The following MUC5B variants were observed in gnomAD, a reference collection of about 807,000 sequenced individuals.
MUC5B encodes mucin 5B, oligomeric mucus/gel-forming, also known as mucin-5B.
In MUC5B, 116 loss-of-function variants were observed where a neutral mutation model predicts 376.9. The ratio of observed to expected loss-of-function variants is 0.31; its 90% CI spans 0.26 to 0.36. MUC5B has a LOEUF of 0.36. Ranked by LOEUF, MUC5B falls within the 10% of genes least tolerant of loss-of-function variation. The pLI is 1.00. For missense variants in MUC5B, 7,165 were observed against 7,769.9 expected, an observed-to-expected ratio of 0.92 and a Z score of 2.93; for synonymous variants, 3,517 against 3,390.9, an observed-to-expected ratio of 1.04 and a Z score of -1.29.
rs754569934 is a variant in MUC5B, at chr11:1,245,406, G to A, written c.8526G>A (p.Thr2842=). Residue 2842 remains threonine, a synonymous_variant, in exon 31 of 49, where the codon ACG becomes ACA. Coordinates refer to ENST00000529681, the MANE Select transcript of MUC5B (RefSeq NM_002458.3). ...HTRATSRTTA[T]ATPSKTRTST... ...GGGCCACCTCCAGGACCACGGCCAC[G>A]GCCACACCCAGCAAGACCCGCACCT... The A allele has an allele frequency of 1.0e-4, 162 of 1,559,774 alleles. 15 individuals carry two copies. The highest frequency in any genetic ancestry group is 9.2e-4 in the Middle Eastern group (4 of 4,356).
chr11:1,242,605 A>G lies in MUC5B; in HGVS notation c.5725A>G (p.Lys1909Glu), dbSNP rs1420843495. The G allele has an allele frequency of 6.2e-6, 10 of 1,612,886 alleles. No individual in the cohort carries two copies. Among genetic ancestry groups the G allele is most frequent in the Non-Finnish European group, 8.5e-6 (10 of 1,179,602 alleles). ...TCCGGGGACGACCTGGATCCTCACA[A>G]AGCCGACCACAACAGCCACTACGAC... is the stretch of plus-strand genomic sequence containing the variant. The part of the protein sequence containing the change: ...STPGTTWILT[K>E]PTTTATTTAS... Residue 1909 changes from lysine to glutamate, a missense_variant, in exon 31 of 49, where the codon AAG becomes GAG. By Grantham distance (56) the Lys-to-Glu change is moderately conservative. This residue lies in a region of MUC5B where 897 missense variants were observed against 779.6 expected (regional missense o/e 1.15). Transcript: ENST00000529681.
rs756918327 is a variant in MUC5B, at chr11:1,248,930, C to A, written c.12050C>A (p.Ser4017Tyr). 126 of 1,590,788 alleles carry A rather than the reference C, an allele frequency of 7.9e-5. No individual in the cohort carries two copies. Among genetic ancestry groups the A allele is most frequent in the Non-Finnish European group, 1.1e-4 (124 of 1,167,986 alleles). Residue 4017 changes from serine (S) to tyrosine (Y), a missense_variant, in exon 31 of 49, where the codon TCC (serine) becomes TAC (tyrosine). Ser to Tyr is a moderately radical substitution (Grantham distance 144). Coordinates refer to ENST00000529681, the MANE Select transcript of MUC5B (RefSeq NM_002458.3). ...TTATTHGRSL[S>Y]PSSPHTVRTA... ...GCCACCACACACGGGCGATCCCTGT[C>A]CCCCAGCAGTCCCCACACGGTGCGC...
In MUC5B at chr11:1,248,510, C is replaced by A. The variant is rs779931982; in HGVS notation, c.11630C>A (p.Pro3877His). ...TTTTTGFTVT[P>H]SSSPGTARTP... ...ACAACCACGGGCTTCACAGTCACCC[C>A]CTCCTCCAGCCCAGGGACGGCACGC... Residue 3877 changes from proline (P) to histidine (H), a missense_variant, in exon 31 of 49, where the codon CCC becomes CAC. Coordinates refer to ENST00000529681, the MANE Select transcript of MUC5B (RefSeq NM_002458.3). The A allele has an allele frequency of 4.3e-6, 7 of 1,612,784 alleles. No individual in the cohort carries two copies. Among genetic ancestry groups the A allele is most frequent in the Non-Finnish European group, 5.9e-6 (7 of 1,179,308 alleles).
intron 39 of MUC5B, 130 bp downstream of exon 39, chr11:1,256,901 C>A: frequency 1.4e-6 from 1 of 715,788 alleles, no homozygotes; most frequent in Non-Finnish European, 2.3e-6. Context: ...CTGTTCTGCC[C>A]CACCAGAGCA....
Position 1,250,880 on chromosome 11 carries a change from C to A in MUC5B, c.14000C>A (p.Pro4667His). 4 of 1,591,974 alleles carry A rather than the reference C, an allele frequency of 2.5e-6. No individual in the cohort carries two copies. The highest frequency in any genetic ancestry group is 3.4e-6 in the Non-Finnish European group (4 of 1,169,254). The change falls in exon 31 of 49, where the codon CCC becomes CAC. Residue 4667 changes from proline (P) to histidine (H), a missense_variant. Physicochemically the swap from Pro to His is moderately conservative, Grantham distance 77 (BLOSUM62 -2). Around this residue, in one of 31 missense-constraint regions of MUC5B, gnomAD observed 730 missense variants for 592.7 expected, o/e 1.23. Transcript: ENST00000529681. The part of the protein sequence containing the change: ...TTVATGSMAT[P>H]SSSTQTSGTP... ...GTGGCCACTGGTTCTATGGCAACAC[C>A]CTCCTCTAGCACACAGACCAGTGGT...
chr11:1,254,799 G>T lies in MUC5B; in HGVS notation c.15583G>T (p.Val5195Leu), dbSNP rs569128267. ...TMRVDIPALG[V>L]SVTFNGQVFQ... The stretch of plus-strand genomic sequence containing the variant: ...GCGTGTGGACATTCCTGCCCTGGGC[G>T]TGAGCGTCACCTTCAATGGCCAAGT... Residue 5195 changes from valine (V) to leucine (L), a missense_variant, in exon 35 of 49, where the codon GTG (valine) becomes TTG (leucine). Val to Leu is a conservative substitution (Grantham distance 32). Transcript: ENST00000529681. 2.5e-6 allele frequency: 4 copies of T among 1,612,756 alleles called. No individual in the cohort carries two copies. In the South Asian group the frequency reaches 3.3e-5, roughly 13 times the overall value.
At chr11:1,232,824 G>A (rs1862060651) in intron 17 of MUC5B, 54 bp downstream of exon 17, 2 of 1,522,106 alleles carry the variant, frequency 1.3e-6, no homozygotes, top group Non-Finnish European at 1.8e-6. Flanking sequence ...GGGTGCGGGG[G>A]ACCCTGGCCG....
Position 1,235,094 on chromosome 11 carries a change from G to A in MUC5B, c.2640G>A (p.Arg880=). 1 of 1,610,710 alleles carries A rather than the reference G, an allele frequency of 6.2e-7. No individual in the cohort carries two copies. Among genetic ancestry groups the A allele is most frequent in the South Asian group, 1.1e-5 (1 of 90,908 alleles). ...TTGTGGCCCCTTGCAGCACCTGCAG[G>A]AACCGGAGGTGGGAGTGCAGCCACC... ...IRVDCNTCTC[R]NRRWECSHRL... Residue 880 remains arginine, a synonymous_variant, in exon 22 of 49, where the codon AGG becomes AGA. Coordinates refer to ENST00000529681, the MANE Select transcript of MUC5B (RefSeq NM_002458.3).
rs370160981 is a variant in MUC5B at position 1,241,533 on chromosome 11, C to T, written c.4653C>T (p.Ala1551=). The T allele has an allele frequency of 3.2e-5, 51 of 1,612,798 alleles. No individual in the cohort carries two copies. Among genetic ancestry groups the T allele is most frequent in the South Asian group, 7.7e-5 (7 of 90,956 alleles). Residue 1551 remains alanine (A), a synonymous_variant, in exon 31 of 49, where the codon GCC becomes GCT. Coordinates refer to ENST00000529681, the MANE Select transcript of MUC5B (RefSeq NM_002458.3). ...AGCCTAAGGACATAGAGTGCCAGGC[C>T]GAGAGCTTCCCCAACTGGACCCTGG... The part of the protein sequence containing the change: ...CQQPKDIECQ[A]ESFPNWTLAQ...
chr11:1,236,986 G>A lies in MUC5B; in HGVS notation c.3119G>A (p.Arg1040His), dbSNP rs377460516. The A allele has an allele frequency of 2.7e-5, 42 of 1,566,358 alleles. No individual in the cohort carries two copies. The highest frequency in any genetic ancestry group is 5.5e-5 in the African/African-American group (4 of 73,390). ...DDNAINDFATRSRSVVGDALE... is the reference protein window; with the variant it reads ...DDNAINDFATHSRSVVGDALE... The stretch of plus-strand genomic sequence containing the variant: ...AATGCCATCAATGACTTTGCCACGC[G>A]TAGCCGGTCCGTGGTGGGGGACGCA... Residue 1040 changes from arginine to histidine, a missense_variant, in exon 25 of 49, where the codon CGT becomes CAT. This residue lies in a region of MUC5B where 143 missense variants were observed against 193.2 expected (regional missense o/e 0.74). Coordinates refer to ENST00000529681, the MANE Select transcript of MUC5B (RefSeq NM_002458.3).
intron 38 of MUC5B, 147 bp downstream of exon 38, chr11:1,256,372 G>A (rs1016033340): frequency 1.6e-6 from 1 of 615,264 alleles, no homozygotes; most frequent in Admixed American, 2.7e-5. Flanking sequence ...AACATCCCCT[G>A]CTGCTCCCAG....
In MUC5B at chr11:1,235,322, C is replaced by T; in HGVS notation, c.2789C>T (p.Thr930Ile). 1 of 1,613,000 alleles carries T rather than the reference C, an allele frequency of 6.2e-7. No homozygotes were observed. ...ILAQDYCGDNTTHGTFRIVTE... is the reference protein window; with the variant it reads ...ILAQDYCGDNITHGTFRIVTE... Reference sequence around the variant, plus strand: ...GCCCAGGACTACTGTGGGGACAACACCACCCACGGGACCTTCCGCATCGTC... The same window carrying T: ...GCCCAGGACTACTGTGGGGACAACATCACCCACGGGACCTTCCGCATCGTC... The change falls in exon 23 of 49, where the codon ACC becomes ATC. Residue 930 changes from threonine (T) to isoleucine (I), a missense_variant. Physicochemically the swap from Thr to Ile is moderately conservative, Grantham distance 89. Transcript: ENST00000529681.
intron 47 of MUC5B, 65 bp from the exon 48 acceptor site, chr11:1,260,561 C>G: frequency 6.6e-7 from 1 of 1,512,108 alleles, no homozygotes; most frequent in South Asian, 1.2e-5. Flanking sequence ...AGGGTCGGCC[C>G]AGCAAGTCCA....
In MUC5B at chr11:1,230,020, G is replaced by C. The variant is rs778852731; in HGVS notation, c.1236G>C (p.Gly412=). The C allele has an allele frequency of 4.4e-6, 7 of 1,603,218 alleles. No homozygotes were observed. The South Asian group carries it at 7.8e-5, about 18-fold the overall frequency. The change falls in exon 11 of 49, where the codon GGG becomes GGC. Residue 412 remains glycine (G), a synonymous_variant. Coordinates refer to ENST00000529681, the MANE Select transcript of MUC5B (RefSeq NM_002458.3). ...CCCTCCCCAGCACCTGCTCCGGGGGGCTATGGCAGTGCCAGGACCTGCCGT... is the reference window on the plus strand; with the variant it reads ...CCCTCCCCAGCACCTGCTCCGGGGGCCTATGGCAGTGCCAGGACCTGCCGT... ...TTCSSCTCSG[G]LWQCQDLPCP...
rs1862909468 is a variant in MUC5B at position 1,258,584 on chromosome 11, C to T, written c.16593+217C>T. 6.6e-6 allele frequency among the ~76,000 whole-genome samples: 1 copy of T among 152,144 alleles called. No individual in the cohort carries two copies. The highest frequency in any genetic ancestry group is 2.1e-4 in the South Asian group (1 of 4,830). On this transcript the variant is annotated intron_variant, in intron 43 of 48. Transcript: ENST00000529681. This position sits in a 1 kb window ranked among gnomAD's most constrained non-coding sequence, Gnocchi z 5.5. ...TCCACAACTGCTGCCTCTGAGAGGT[C>T]CCTTCAGGGGCTCCCAGCAACAGCC...
chr11:1,252,655 C>G, intron 32 of MUC5B, 131 bp downstream of exon 32: 1 of 1,363,864 alleles, frequency 7.3e-7, no homozygotes. Context: ...TTGGAGGAGG[C>G]ACACAGGGCC....
rs1862442218 is a variant in MUC5B at position 1,245,858 on chromosome 11, T to G, written c.8978T>G (p.Leu2993Arg). 6.2e-7 allele frequency: 1 copy of G among 1,612,832 alleles called. No homozygotes were observed. The highest frequency in any genetic ancestry group is 1.3e-5 in the African/African-American group (1 of 74,408). The change falls in exon 31 of 49, where the codon CTC becomes CGC. Residue 2993 changes from leucine to arginine, a missense_variant. Physicochemically the swap from Leu to Arg is moderately radical, Grantham distance 102 (BLOSUM62 -2). Transcript: ENST00000529681. ...PSSTPGTTWILTEQTTAATTT... is the reference protein window; with the variant it reads ...PSSTPGTTWIRTEQTTAATTT... ...TCCACTCCAGGGACGACCTGGATCCTCACAGAGCAGACCACAGCAGCCACT... is the reference window on the plus strand; with the variant it reads ...TCCACTCCAGGGACGACCTGGATCCGCACAGAGCAGACCACAGCAGCCACT...
rs756403510 is a variant in MUC5B at position 1,248,274 on chromosome 11, C to T, written c.11394C>T (p.Pro3798=). The change falls in exon 31 of 49, where the codon CCC becomes CCT. Residue 3798 remains proline, a synonymous_variant. Coordinates refer to ENST00000529681, the MANE Select transcript of MUC5B (RefSeq NM_002458.3). ...CAGCTACCAGCTTTACAGCCATCCC[C>T]TCCTCCTCCCTGGGCACCACCTGGA... ...TPTATSFTAI[P]SSSLGTTWTR... 3.9e-5 allele frequency: 63 copies of T among 1,596,898 alleles called. 1 individual carries two copies. The South Asian group carries it at 6.7e-4, about 17-fold the overall frequency.
At position 1,249,802 on chromosome 11, in the gene MUC5B, C is replaced by T; in HGVS notation, c.12922C>T (p.Leu4308Phe). The T allele has an allele frequency of 9.3e-6, 15 of 1,613,582 alleles. No individual in the cohort carries two copies. Among genetic ancestry groups the T allele is most frequent in the Non-Finnish European group, 1.3e-5 (15 of 1,179,724 alleles). The change falls in exon 31 of 49, where the codon CTT becomes TTT. Residue 4308 changes from leucine to phenylalanine, a missense_variant. This residue lies in a region of MUC5B where 431 missense variants were observed against 390.4 expected (regional missense o/e 1.10). Transcript: ENST00000529681. ...CTCCAGTCCAAGGACTGCAACCACC[C>T]TTCCAGTGCTGACAAGCACAGCCAC... ...SSSSPRTATT[L>F]PVLTSTATKS...
Sources: allele counts gnomAD v4.1 joint callset (sites outside exome capture counted in the v4.1 genomes callset), GRCh38; gene constraint gnomAD v4.1.1; regional missense constraint gnomAD v4.1.1; non-coding constraint Gnocchi (gnomAD v3.1); transcripts MANE v1.5; gene names NCBI Gene and HGNC (gene_info 2026-07-23, HGNC 2026-07-21).